Variants in MAST4 observed in about 807,000 individuals in gnomAD.
The protein encoded by MAST4 is microtubule associated serine/threonine kinase family member 4.
A neutral mutation model predicts 162.7 loss-of-function variants in MAST4; 89 were observed. That is an observed-to-expected ratio of 0.55 (90% CI 0.46 to 0.65). The LOEUF (loss-of-function observed/expected upper bound fraction) is 0.65. MAST4 is among the 30% of genes least tolerant of loss of function. MAST4 has a pLI of 0.00. For missense variants in MAST4, 3,153 were observed against 3,374.0 expected, an observed-to-expected ratio of 0.93 and a Z score of 1.62; for synonymous variants, 1,479 against 1,361.1, an observed-to-expected ratio of 1.09 and a Z score of -1.91.
chr5:66,901,355 GATT>G (rs532722296), intron 4 of MAST4, among the ~76,000 whole-genome samples: 46 of 151,942 alleles, frequency 3.0e-4, no homozygotes, highest in Non-Finnish European at 6.3e-4. Context: ...ATATTATAAA[GATT>G]ATGTTAATTA....
chr5:66,860,444 G>A (rs1481046636), intron 3 of MAST4, among the ~76,000 whole-genome samples: 1 of 152,158 alleles, frequency 6.6e-6, no homozygotes, highest in East Asian at 1.9e-4. Context: ...ACAATTATGA[G>A]AAGTGGTGCT....
intron 6 of MAST4, 37 bp downstream of exon 6, chr5:67,090,268 T>A: frequency 1.3e-6 from 2 of 1,524,822 alleles, no homozygotes; most frequent in Non-Finnish European, 1.8e-6. Context: ...TAAGGTCTTA[T>A]AGAGAGAATC....
chr5:66,607,182 A>C (rs1313020596), intron 1 of MAST4, among the ~76,000 whole-genome samples: 1 of 152,214 alleles, frequency 6.6e-6, no homozygotes, highest in African/African-American at 2.4e-5. Context: ...AGCCTGGCAC[A>C]GAACCTTGCA....
At chr5:66,860,328 C>A (rs1271379342) in intron 3 of MAST4, among the ~76,000 whole-genome samples, 2 of 152,138 alleles carry the variant, frequency 1.3e-5, no homozygotes, top group Non-Finnish European at 2.9e-5. Context: ...ATCACAGATC[C>A]ACAAGGGTAT....
At chr5:66,692,712 A>G (rs1051232665) in intron 1 of MAST4, among the ~76,000 whole-genome samples, 1 of 152,088 alleles carries the variant, frequency 6.6e-6, no homozygotes, top group African/African-American at 2.4e-5. Flanking sequence ...TTCTGCAATC[A>G]TCCCATTGTG....
chr5:66,652,214 AT>A (rs1318817468), intron 1 of MAST4, among the ~76,000 whole-genome samples: 6 of 152,210 alleles, frequency 3.9e-5, no homozygotes, highest in Non-Finnish European at 5.9e-5. Context: ...CTAGCACACA[AT>A]ATAACTGGTT....
intron 2 of MAST4, among the ~76,000 whole-genome samples, chr5:66,772,090 C>T (rs147673023): frequency 1.8e-3 from 268 of 152,270 alleles, no homozygotes; most frequent in African/African-American, 6.2e-3. Context: ...CTTGATTATA[C>T]TACAATTAAC....
chr5:67,161,829 T>C (rs1156999370), intron 27 of MAST4, among the ~76,000 whole-genome samples: 6 of 152,218 alleles, frequency 3.9e-5, no homozygotes, highest in Admixed American at 1.3e-4. Context: ...TTAGAACAAA[T>C]TGTTTCAAGG....
intron 4 of MAST4, among the ~76,000 whole-genome samples, chr5:67,008,772 T>C (rs575309540): frequency 1.3e-5 from 2 of 152,346 alleles, no homozygotes; most frequent in African/African-American, 2.4e-5. Context: ...AGTTGTTTTT[T>C]GCAGAATTCA....
chr5:67,016,125 A>T (rs1158635549), intron 4 of MAST4, among the ~76,000 whole-genome samples: 1 of 152,190 alleles, frequency 6.6e-6, no homozygotes, highest in African/African-American at 2.4e-5. Flanking sequence ...TAACTGGTAG[A>T]TCTGCCAACA....
chr5:66,669,024 G>T (rs1747444874), intron 1 of MAST4, among the ~76,000 whole-genome samples: 3 of 152,166 alleles, frequency 2.0e-5, no homozygotes, highest in African/African-American at 7.2e-5. Flanking sequence ...GGAGCTTACT[G>T]GATATAGTGA....
chr5:66,941,289 A>T (rs1218934293), intron 4 of MAST4, among the ~76,000 whole-genome samples: 1 of 152,126 alleles, frequency 6.6e-6, no homozygotes, highest in Non-Finnish European at 1.5e-5. Flanking sequence ...CTCGCTAGCT[A>T]TGAAAGTCCC....
Position 66,917,229 on chromosome 5 carries a change from T to C in MAST4, c.674+17247T>C, listed in dbSNP as rs1157445342. The C allele has an allele frequency of 1.0e-5, 5 of 492,992 alleles. No individual in the cohort carries two copies. In the East Asian group the frequency reaches 1.2e-4, roughly 12 times the overall value. 30.5% of individuals were successfully genotyped at this position (492,992 alleles called of 1,614,324 possible). Reference sequence around the variant, plus strand: ...GAGTATATTTTCATATGTTTACTCTTCATTTACATTTCTCTTTTCTTCACT... The same window carrying C: ...GAGTATATTTTCATATGTTTACTCTCCATTTACATTTCTCTTTTCTTCACT... On this transcript the variant is annotated intron_variant, in intron 4 of 28. Coordinates refer to ENST00000403625, the MANE Select transcript of MAST4 (RefSeq NM_001164664.2).
chr5:67,001,050 C>G (rs1464082392), intron 4 of MAST4, among the ~76,000 whole-genome samples: 1 of 152,114 alleles, frequency 6.6e-6, no homozygotes, highest in African/African-American at 2.4e-5. Context: ...AATAGAAAAT[C>G]CTGCTGAATA....
intron 3 of MAST4, among the ~76,000 whole-genome samples, chr5:66,813,845 T>C (rs1371414245): frequency 6.6e-6 from 1 of 152,238 alleles, no homozygotes; most frequent in African/African-American, 2.4e-5. Flanking sequence ...GATGCAAATC[T>C]AGTAGTTTGA....
intron 3 of MAST4, among the ~76,000 whole-genome samples, chr5:66,896,192 G>T (rs1253645304): frequency 6.6e-6 from 1 of 152,062 alleles, no homozygotes; most frequent in African/African-American, 2.4e-5. Flanking sequence ...AAGGAGCACG[G>T]GTCAGATGTT....
At chr5:67,006,431 T>A (rs1752042012) in intron 4 of MAST4, among the ~76,000 whole-genome samples, 1 of 152,214 alleles carries the variant, frequency 6.6e-6, no homozygotes, top group Non-Finnish European at 1.5e-5. Flanking sequence ...CCAAGACAAC[T>A]AATAAAGTTG....
chr5:67,107,295 T>A (rs1442137299), intron 10 of MAST4, among the ~76,000 whole-genome samples: 1 of 152,228 alleles, frequency 6.6e-6, no homozygotes, highest in Non-Finnish European at 1.5e-5. Flanking sequence ...TTCATGACAA[T>A]TAAAATAAAA....
chr5:67,047,540 T>C (rs1757529784), intron 4 of MAST4, among the ~76,000 whole-genome samples: 1 of 152,178 alleles, frequency 6.6e-6, no homozygotes, highest in African/African-American at 2.4e-5. Context: ...CTGTCCTACT[T>C]TGTGCATTAT....
Sources: allele counts gnomAD v4.1 joint callset (sites outside exome capture counted in the v4.1 genomes callset), GRCh38; gene constraint gnomAD v4.1.1; transcripts MANE v1.5; gene names NCBI Gene and HGNC (gene_info 2026-07-23, HGNC 2026-07-21).